ZNF567: variants seen among roughly 807,000 people sequenced by gnomAD.
ZNF567 encodes the protein zinc finger protein 567.
In ZNF567, 36 loss-of-function variants were observed where a neutral mutation model predicts 53.9. The ratio of observed to expected loss-of-function variants is 0.67; its 90% CI spans 0.51 to 0.88. ZNF567 has a LOEUF of 0.88. ZNF567 is among the 40% of genes least tolerant of loss of function. The probability of loss-of-function intolerance (pLI) is 0.00; values close to 1 mark genes in which losing one functional copy is unlikely to be tolerated. For synonymous variants in ZNF567, 224 were observed against 260.4 expected (o/e 0.86, Z 1.35); for missense variants, 619 against 764.7 (o/e 0.81, Z 2.25).
chr19:36,676,055 C>CCTTTTTTTTT, the ZNF567 span, among the ~76,000 whole-genome samples: 1 of 60,598 alleles, frequency 1.7e-5, no homozygotes, highest in Non-Finnish European at 3.1e-5. Flanking sequence ...TATTCTACAC[C>CCTTTTTTTTT]TTTTTTTTTT....
chr19:36,694,286 A>G (rs749874955), intron 2 of ZNF567, among the ~76,000 whole-genome samples: 3 of 152,216 alleles, frequency 2.0e-5, no homozygotes, highest in Non-Finnish European at 2.9e-5. Context: ...ATGATAGAAA[A>G]TGAAATAAAT....
chr19:36,712,921 G>T, intron 5 of ZNF567, 54 bp downstream of exon 5: 3 of 1,382,754 alleles, frequency 2.2e-6, no homozygotes, highest in Middle Eastern at 3.6e-4. Flanking sequence ...AATTTAAAAG[G>T]GTCAAGTGGG....
At chr19:36,710,717 G>T (rs2039739075) in intron 3 of ZNF567, among the ~76,000 whole-genome samples, 1 of 152,006 alleles carries the variant, frequency 6.6e-6, no homozygotes, top group East Asian at 1.9e-4. Flanking sequence ...CTCACGTCCT[G>T]CATTTCTCTT....
rs2040278848 is a variant in ZNF567 at position 36,720,892 on chromosome 19, C to G, written c.*224C>G. 1 of 341,614 alleles carries G rather than the reference C, an allele frequency of 2.9e-6. No homozygotes were observed. The highest frequency in any genetic ancestry group is 1.0e-4 in the South Asian group (1 of 9,870). 21.2% of individuals were successfully genotyped at this position (341,614 alleles called of 1,614,324 possible). A position where few individuals can be genotyped will look rare whatever the true frequency, so the allele number is the denominator to read the frequency against. ...AAGCTAAATTTTAAAGTCAACTGCT[C>G]TTCCTACTGACTCAAATAGTTTATT... On this transcript the variant is annotated 3_prime_UTR_variant, in exon 6 of 6. Transcript: ENST00000682579.
chr19:36,690,015 T>G (rs2145540384), intron 2 of ZNF567, among the ~76,000 whole-genome samples: 1 of 152,360 alleles, frequency 6.6e-6, no homozygotes, highest in Non-Finnish European at 1.5e-5. Flanking sequence ...ATCCTGTTCT[T>G]GAATGAAGTT....
the ZNF567 span, among the ~76,000 whole-genome samples, chr19:36,681,413 C>T: frequency 6.6e-6 from 1 of 151,922 alleles, no homozygotes; most frequent in African/African-American, 2.4e-5. Context: ...GTTTTTGGGT[C>T]TTTCCCTTGA....
chr19:36,712,396 C>T lies in ZNF567; in HGVS notation c.20C>T (p.Ser7Phe). 3.7e-6 allele frequency: 6 copies of T among 1,613,792 alleles called. No individual in the cohort carries two copies. The highest frequency in any genetic ancestry group is 5.1e-6 in the Non-Finnish European group (6 of 1,179,848). Residue 7 changes from serine (S) to phenylalanine (F), a missense_variant, in exon 4 of 6, where the codon TCT (serine) becomes TTT (phenylalanine). Coordinates refer to ENST00000682579, the MANE Select transcript of ZNF567 (RefSeq NM_001322917.1). MAQGSVSFNDVTVDFTQ... is the reference protein window; with the variant it reads MAQGSVFFNDVTVDFTQ... ...TTCCATCCATTCTAGGGATCAGTGT[C>T]TTTCAATGATGTGACTGTGGACTTC...
chr19:36,680,161 G>T, the ZNF567 span, among the ~76,000 whole-genome samples: 125 of 152,054 alleles, frequency 8.2e-4, no homozygotes, highest in African/African-American at 2.8e-3. Context: ...TACAATTGTT[G>T]TACAAATATA....
upstream of ZNF567, among the ~76,000 whole-genome samples, chr19:36,682,809 A>G (rs1471748006): frequency 1.3e-5 from 2 of 151,504 alleles, no homozygotes; most frequent in African/African-American, 4.9e-5. Flanking sequence ...GGGTTTCACC[A>G]TGTTAGCCAG....
At chr19:36,696,270 T>G (rs1271403584) in intron 3 of ZNF567, among the ~76,000 whole-genome samples, 1 of 152,212 alleles carries the variant, frequency 6.6e-6, no homozygotes, top group Admixed American at 6.5e-5. Context: ...TCTGGACCTC[T>G]TAAATACTGG....
intron 3 of ZNF567, among the ~76,000 whole-genome samples, chr19:36,704,141 T>C (rs1386287632): frequency 1.3e-5 from 2 of 152,210 alleles, no homozygotes; most frequent in Non-Finnish European, 2.9e-5. Context: ...TGTTAAATTT[T>C]CTCAAAAGTT....
the ZNF567 span, among the ~76,000 whole-genome samples, chr19:36,674,726 T>C: frequency 3.9e-5 from 6 of 152,304 alleles, no homozygotes; most frequent in South Asian, 6.2e-4. Context: ...GTATTTAGAA[T>C]ATGCTTAGCT....
In ZNF567 at chr19:36,694,836, A is replaced by G; in HGVS notation, c.-32A>G. On this transcript the variant is annotated 5_prime_UTR_variant, in exon 3 of 6. Coordinates refer to ENST00000682579, the MANE Select transcript of ZNF567 (RefSeq NM_001322917.1). ...CTTTTCTAAAGAGGACTCCAAAGGA[A>G]GGACTGGTCATCTCTTTCATATCTC... is the stretch of plus-strand genomic sequence containing the variant. 6.6e-7 allele frequency: 1 copy of G among 1,521,468 alleles called. No homozygotes were observed. The highest frequency in any genetic ancestry group is 8.7e-7 in the Non-Finnish European group (1 of 1,143,066). 94.2% of individuals were successfully genotyped at this position (1,521,468 alleles called of 1,614,324 possible).
chr19:36,692,881 G>A (rs2038692039), intron 2 of ZNF567, among the ~76,000 whole-genome samples: 1 of 152,112 alleles, frequency 6.6e-6, no homozygotes, highest in Non-Finnish European at 1.5e-5. Context: ...ATTCCCTGTC[G>A]TTGGGCATGG....
the ZNF567 span, among the ~76,000 whole-genome samples, chr19:36,676,693 T>C: frequency 1.6e-3 from 238 of 152,298 alleles, 2 homozygotes; most frequent in African/African-American, 5.6e-3. Flanking sequence ...TAAAGGGATG[T>C]AACTATAAGG....
chr19:36,696,325 T>A (rs1389977572), intron 3 of ZNF567, among the ~76,000 whole-genome samples: 1 of 152,222 alleles, frequency 6.6e-6, no homozygotes, highest in Non-Finnish European at 1.5e-5. Flanking sequence ...TACACTCTCC[T>A]GTTCACTACC....
chr19:36,698,452 G>T (rs71356013), intron 3 of ZNF567, among the ~76,000 whole-genome samples: 91,750 of 148,110 alleles, frequency 0.62, 28,352 homozygotes, highest in East Asian at 0.8. Context: ...TAATGGGATG[G>T]CTGGGTCAAA....
At chr19:36,701,150 ATCT>A (rs2039161815) in intron 3 of ZNF567, among the ~76,000 whole-genome samples, 1 of 152,116 alleles carries the variant, frequency 6.6e-6, no homozygotes, top group Non-Finnish European at 1.5e-5. Context: ...TTCAAAGAAC[ATCT>A]TGATTTCTGC....
chr19:36,708,561 A>G (rs1243709510), intron 3 of ZNF567, among the ~76,000 whole-genome samples: 1 of 152,178 alleles, frequency 6.6e-6, no homozygotes, highest in African/African-American at 2.4e-5. Context: ...AATGGCACAT[A>G]TTCACCATTA....
Sources: gnomAD v4.1 joint callset for allele counts (sites outside exome capture counted in the v4.1 genomes callset) on GRCh38, gnomAD v4.1.1 for gene constraint, MANE v1.5 for transcripts, NCBI Gene and HGNC (gene_info 2026-07-23, HGNC 2026-07-21) for gene names.